Variants in RBFOX3 observed in about 807,000 individuals in gnomAD.
The protein encoded by RBFOX3 is RNA binding protein fox-1 homolog 3.
A neutral mutation model predicts 48.7 loss-of-function variants in RBFOX3; 17 were observed. That is an observed-to-expected ratio of 0.35 (90% CI 0.24 to 0.52). RBFOX3 has a LOEUF of 0.52. Ranked by LOEUF, RBFOX3 falls within the 20% of genes least tolerant of loss-of-function variation. RBFOX3 has a pLI of 0.94. For missense variants in RBFOX3, 382 were observed against 497.5 expected (o/e 0.77, Z 2.21); for synonymous variants, 212 against 209.5 (o/e 1.01, Z -0.10).
intron 4 of RBFOX3, among the ~76,000 whole-genome samples, chr17:79,144,149 TGGCCAGAGAGG>T (rs2042523755): frequency 6.6e-6 from 1 of 152,092 alleles, no homozygotes; most frequent in Admixed American, 6.5e-5. Flanking sequence ...TGCGCTGACC[TGGCCAGAGAGG>T]GGGGCCTGCC....
At chr17:79,463,063 C>CGCCACTGCCACCTCCACCGACTTT (rs1555750207) in intron 2 of RBFOX3, among the ~76,000 whole-genome samples, 1 of 145,176 alleles carries the variant, frequency 6.9e-6, no homozygotes, top group Admixed American at 6.8e-5. Flanking sequence ...CCACCGCCAT[C>CGCCACTGCCACCTCCACCGACTTT]GCCACTGCCA....
At chr17:79,260,569 C>G (rs1347612345) in intron 3 of RBFOX3, among the ~76,000 whole-genome samples, 11 of 152,192 alleles carry the variant, frequency 7.2e-5, no homozygotes, top group Admixed American at 7.2e-4. Flanking sequence ...CAGGCCCGTG[C>G]CCCTAACTCT....
chr17:79,468,634 G>A (rs1370638486), intron 2 of RBFOX3, among the ~76,000 whole-genome samples: 4 of 151,814 alleles, frequency 2.6e-5, no homozygotes, highest in Admixed American at 2.6e-4. Flanking sequence ...CAGGCAGATA[G>A]ACAGAAGGAT....
At chr17:79,588,537 T>C in intron 1 of RBFOX3, among the ~76,000 whole-genome samples, 1 of 152,320 alleles carries the variant, frequency 6.6e-6, no homozygotes, top group Non-Finnish European at 1.5e-5. Context: ...AGCCAATTTC[T>C]CTTTGATGTG....
At chr17:79,300,756 G>T (rs1032012463) in intron 3 of RBFOX3, among the ~76,000 whole-genome samples, 3 of 152,194 alleles carry the variant, frequency 2.0e-5, no homozygotes, top group African/African-American at 7.2e-5. Flanking sequence ...GACTCTGGGG[G>T]ACACCCAGAC....
intron 2 of RBFOX3, among the ~76,000 whole-genome samples, chr17:79,345,157 A>G (rs1015701431): frequency 1.3e-5 from 2 of 152,198 alleles, no homozygotes; most frequent in Non-Finnish European, 2.9e-5. Flanking sequence ...CTTCAACAGC[A>G]GTGTTCCTGA....
chr17:79,530,052 G>A (rs545857931), intron 1 of RBFOX3, among the ~76,000 whole-genome samples: 99 of 152,326 alleles, frequency 6.5e-4, no homozygotes, highest in African/African-American at 2.2e-3. Flanking sequence ...AATCATCTCC[G>A]CCATGGAGGA....
At chr17:79,312,315 T>G (rs1196778588) in intron 2 of RBFOX3, among the ~76,000 whole-genome samples, 2 of 146,940 alleles carry the variant, frequency 1.4e-5, no homozygotes, top group Non-Finnish European at 3.0e-5. Flanking sequence ...CGAAGGGAGA[T>G]TCTCAACAAG....
At chr17:79,466,715 G>T (rs1203854466) in intron 2 of RBFOX3, among the ~76,000 whole-genome samples, 2 of 152,200 alleles carry the variant, frequency 1.3e-5, no homozygotes, top group Non-Finnish European at 2.9e-5. Context: ...TTTTTCTCCC[G>T]GGCGGCAGGC....
At chr17:79,440,048 G>C (rs996963763) in intron 2 of RBFOX3, among the ~76,000 whole-genome samples, 1 of 152,072 alleles carries the variant, frequency 6.6e-6, no homozygotes, top group Non-Finnish European at 1.5e-5. Flanking sequence ...CTCACACCCG[G>C]GCCAGAGGGC....
rs150264648 is a variant in RBFOX3 at position 79,549,048 on chromosome 17, C to A, written c.-320+61778G>T. ...TAGTTTGCAGATGAAGAAACTGAGG[C>A]TCGGGATGGGCAGATGCACTGACCA... is the stretch of plus-strand genomic sequence containing the variant. On this transcript the variant is annotated intron_variant, in intron 1 of 14. Coordinates refer to ENST00000693108, the MANE Select transcript of RBFOX3 (RefSeq NM_001350451.2). Among the ~76,000 whole-genome samples, 134 of 152,332 alleles carry A rather than the reference C, an allele frequency of 8.8e-4. 2 individuals carry two copies. Among genetic ancestry groups the A allele is most frequent in the African/African-American group, 2.9e-3 (119 of 41,576 alleles).
intron 2 of RBFOX3, among the ~76,000 whole-genome samples, chr17:79,366,479 C>T (rs1303219869): frequency 5.9e-5 from 9 of 152,180 alleles, no homozygotes; most frequent in African/African-American, 9.7e-5. Flanking sequence ...ATTATGCCGG[C>T]GCCACGTCTC....
At chr17:79,357,889 T>C (rs974429265) in intron 2 of RBFOX3, among the ~76,000 whole-genome samples, 8 of 151,888 alleles carry the variant, frequency 5.3e-5, no homozygotes, top group Non-Finnish European at 1.2e-4. Flanking sequence ...ATTGAAGTTT[T>C]TTTTTTACTT....
chr17:79,416,393 A>C lies in RBFOX3; in HGVS notation c.-175+66061T>G, dbSNP rs112370611. 1.0e-3 allele frequency among the ~76,000 whole-genome samples: 155 copies of C among 152,280 alleles called. 1 individual carries two copies. The highest frequency in any genetic ancestry group is 3.5e-3 in the African/African-American group (147 of 41,566). On this transcript the variant is annotated intron_variant, in intron 2 of 14. Transcript: ENST00000693108. ...AAGCCTCCTCCCTAGCAGACCCGCC[A>C]GCTCTCCTGCTAGGCATAGTATAGG...
chr17:79,271,718 C>A (rs929467671), intron 3 of RBFOX3, among the ~76,000 whole-genome samples: 3 of 150,958 alleles, frequency 2.0e-5, no homozygotes, highest in Non-Finnish European at 3.0e-5. Context: ...CTTCTCTGGA[C>A]CCCGTTGCCT....
intron 12 of RBFOX3, 62 bp from the exon 13 acceptor site, chr17:79,095,636 T>A: frequency 6.9e-7 from 1 of 1,443,960 alleles, no homozygotes; most frequent in Non-Finnish European, 9.5e-7. Context: ...AGGGAAAGGC[T>A]GAGTGGGGAG....
intron 1 of RBFOX3, among the ~76,000 whole-genome samples, chr17:79,587,492 A>T (rs1027594814): frequency 2.6e-5 from 4 of 152,338 alleles, no homozygotes; most frequent in Admixed American, 2.6e-4. Flanking sequence ...ATCTGTTGTG[A>T]TGGCCAGGCC....
At position 79,178,721 on chromosome 17, in the gene RBFOX3, G is replaced by A. The variant is rs538971873; in HGVS notation, c.-34+57045C>T. ...CAGGGTAAAGAGGTCTCACCTGTAC[G>A]GATGCGTGGCTCAAAGCAAGGACCA... On this transcript the variant is annotated intron_variant, in intron 4 of 14. Coordinates refer to ENST00000693108, the MANE Select transcript of RBFOX3 (RefSeq NM_001350451.2). Among the ~76,000 whole-genome samples the A allele has an allele frequency of 1.6e-4, 24 of 152,352 alleles. No individual in the cohort carries two copies. The East Asian group carries it at 3.3e-3, about 21-fold the overall frequency.
intron 4 of RBFOX3, among the ~76,000 whole-genome samples, chr17:79,156,679 G>A (rs936558808): frequency 1.7e-4 from 26 of 152,194 alleles, no homozygotes; most frequent in East Asian, 3.8e-4. Flanking sequence ...GGCTGTGCTC[G>A]CCCTACCGCA....
Sources: allele counts gnomAD v4.1 joint callset (sites outside exome capture counted in the v4.1 genomes callset), GRCh38; gene constraint gnomAD v4.1.1; transcripts MANE v1.5; gene names NCBI Gene and HGNC (gene_info 2026-07-23, HGNC 2026-07-21).